Variants in DAAM1 observed in about 807,000 individuals in gnomAD.
DAAM1 encodes the protein dishevelled associated activator of morphogenesis 1.
DAAM1 carries 52 observed loss-of-function variants against 130.0 expected under a neutral mutation model. That is an observed-to-expected ratio of 0.40 (90% CI 0.32 to 0.50). The LOEUF is 0.50. Among genes scored for constraint, DAAM1 ranks in the 20% least tolerant of loss-of-function variants. The pLI is 0.61. For synonymous variants in DAAM1, 452 were observed against 444.5 expected (o/e 1.02, Z -0.21); for missense variants, 1,134 against 1,303.8 (o/e 0.87, Z 2.01).
rs747424195 is a variant in DAAM1, at chr14:59,326,975, G to A, written c.1356G>A (p.Ala452=). 76 of 1,613,768 alleles carry A rather than the reference G, an allele frequency of 4.7e-5. No individual in the cohort carries two copies. The highest frequency in any genetic ancestry group is 5.5e-5 in the Non-Finnish European group (65 of 1,179,916). ...AAGTTAAGCAGTGGAAAGAACAAGC[G>A]GAAAAAATGAGAAAAGGTAAATAAT... ...ENEVKQWKEQ[A]EKMRKEHNEL... The change falls in exon 12 of 25, where the codon GCG becomes GCA. Residue 452 remains alanine, a synonymous_variant. Transcript: ENST00000360909.
Position 59,347,742 on chromosome 14 carries a change from C to T in DAAM1, c.2160+119C>T, listed in dbSNP as rs145775240. 313 of 930,496 alleles carry T rather than the reference C, an allele frequency of 3.4e-4. 1 individual carries two copies. The highest frequency in any genetic ancestry group is 1.1e-3 in the Middle Eastern group (5 of 4,614). 57.6% of individuals were successfully genotyped at this position (930,496 alleles called of 1,614,324 possible). A position where few individuals can be genotyped will look rare whatever the true frequency, so the allele number is the denominator to read the frequency against. On this transcript the variant is annotated intron_variant, in intron 17 of 24. Coordinates refer to ENST00000360909, the MANE Select transcript of DAAM1 (RefSeq NM_001270520.2). Reference sequence around the variant, plus strand: ...TTTCCTCATCTATGAATTGAGGAGGCTGAACCAAGTTCCCATGTGACTCTG... The same window carrying T: ...TTTCCTCATCTATGAATTGAGGAGGTTGAACCAAGTTCCCATGTGACTCTG...
chr14:59,328,423 G>A (rs1156295275), intron 12 of DAAM1, among the ~76,000 whole-genome samples: 4 of 152,216 alleles, frequency 2.6e-5, no homozygotes, highest in African/African-American at 9.6e-5. Flanking sequence ...CTAGAGCATG[G>A]AGACTCAAGT....
chr14:59,352,419 A>C lies in DAAM1; in HGVS notation c.2161-107A>C, dbSNP rs1212174503. 3.8e-6 allele frequency: 3 copies of C among 790,246 alleles called. No homozygotes were observed. In the East Asian group the frequency reaches 8.1e-5, roughly 21 times the overall value. 49.0% of individuals were successfully genotyped at this position (790,246 alleles called of 1,614,324 possible). On this transcript the variant is annotated intron_variant, in intron 17 of 24. Transcript: ENST00000360909. Reference sequence around the variant, plus strand: ...CCTGTGAGCAGAGCTTATACACTCAACAAGAGTTAACATTTTATCTTGGGA... The same window carrying C: ...CCTGTGAGCAGAGCTTATACACTCACCAAGAGTTAACATTTTATCTTGGGA...
intron 20 of DAAM1, among the ~76,000 whole-genome samples, chr14:59,356,070 T>A (rs1343351704): frequency 6.6e-6 from 1 of 152,186 alleles, no homozygotes; most frequent in Non-Finnish European, 1.5e-5. Context: ...CAGGGTAGGG[T>A]CATTAGGCAT....
At chr14:59,192,202 G>A (rs996779095) in intron 1 of DAAM1, among the ~76,000 whole-genome samples, 3 of 148,572 alleles carry the variant, frequency 2.0e-5, no homozygotes, top group Non-Finnish European at 4.5e-5. Flanking sequence ...GTGGTTTTGA[G>A]CTACTTTGTT....
intron 23 of DAAM1, 98 bp downstream of exon 23, chr14:59,363,880 G>A (rs1886811375): frequency 2.0e-6 from 3 of 1,521,314 alleles, no homozygotes; most frequent in African/African-American, 2.8e-5. Flanking sequence ...GCAGGAGTGA[G>A]ATCCAAACTT....
At chr14:59,214,245 G>A (rs61986024) in intron 1 of DAAM1, among the ~76,000 whole-genome samples, 6,775 of 152,286 alleles carry the variant, frequency 0.044, 172 homozygotes, top group Middle Eastern at 0.14. Context: ...AAACCTCTTT[G>A]TCTTTCTTGT....
At chr14:59,194,806 C>T (rs546493259) in intron 1 of DAAM1, among the ~76,000 whole-genome samples, 1 of 152,266 alleles carries the variant, frequency 6.6e-6, no homozygotes, top group Admixed American at 6.5e-5. Flanking sequence ...AATTTCTATT[C>T]TTTTAAACCA....
chr14:59,326,773 A>G, intron 11 of DAAM1, 125 bp downstream of exon 11: 1 of 1,509,746 alleles, frequency 6.6e-7, no homozygotes, highest in South Asian at 1.3e-5. Flanking sequence ...GAGTTACTGT[A>G]CACATGCACT....
intron 3 of DAAM1, among the ~76,000 whole-genome samples, chr14:59,314,545 G>C (rs145394779): frequency 6.6e-6 from 1 of 152,058 alleles, no homozygotes; most frequent in Middle Eastern, 3.4e-3. Context: ...AGAAGCCCTG[G>C]GGGGCTTAGG....
At chr14:59,276,498 G>A (rs955411313) in intron 2 of DAAM1, among the ~76,000 whole-genome samples, 28 of 152,114 alleles carry the variant, frequency 1.8e-4, no homozygotes, top group African/African-American at 6.5e-4. Flanking sequence ...TGAGTTGTGG[G>A]GTGGGAGGAG....
rs548631179 is a variant in DAAM1, at chr14:59,214,365, C to A, written c.-38+25597C>A. 1.2e-4 allele frequency among the ~76,000 whole-genome samples: 19 copies of A among 152,304 alleles called. 1 individual carries two copies. The highest frequency in any genetic ancestry group is 3.4e-3 in the Middle Eastern group (1 of 292). On this transcript the variant is annotated intron_variant, in intron 1 of 24. Coordinates refer to ENST00000360909, the MANE Select transcript of DAAM1 (RefSeq NM_001270520.2). ...GCAGGCCTGGCTGCTACCACAGACC[C>A]CTGACGTGCTTCTTTCTTCCTTGCT...
chr14:59,221,538 T>A (rs2139428060), intron 1 of DAAM1, among the ~76,000 whole-genome samples: 1 of 152,354 alleles, frequency 6.6e-6, no homozygotes, highest in African/African-American at 2.4e-5. Context: ...AGGGTCTGGA[T>A]CATTGGCAGT....
intron 3 of DAAM1, among the ~76,000 whole-genome samples, chr14:59,309,191 AGGAAGAGCCAGAT>A (rs1884483485): frequency 6.6e-6 from 1 of 152,226 alleles, no homozygotes; most frequent in Admixed American, 6.5e-5. Context: ...GCCCCCAAAA[AGGAAGAGCCAGAT>A]GGAAAGAGTT....
chr14:59,249,315 T>G (rs1341427187), intron 1 of DAAM1, among the ~76,000 whole-genome samples: 2 of 152,244 alleles, frequency 1.3e-5, no homozygotes, highest in African/African-American at 4.8e-5. Flanking sequence ...CCCTGTGTAC[T>G]TATGTTCTAG....
At chr14:59,246,900 T>A (rs1221780509) in intron 1 of DAAM1, among the ~76,000 whole-genome samples, 1 of 152,172 alleles carries the variant, frequency 6.6e-6, no homozygotes, top group African/African-American at 2.4e-5. Context: ...TTAATGGAGT[T>A]ATTTGGTTTT....
chr14:59,205,600 G>A (rs528238589), intron 1 of DAAM1, among the ~76,000 whole-genome samples: 129 of 152,294 alleles, frequency 8.5e-4, no homozygotes, highest in Non-Finnish European at 1.4e-3. Flanking sequence ...TTTACAGTGA[G>A]CCTTTGCTAG....
In DAAM1 at chr14:59,330,700, C is replaced by T. The variant is rs199875088; in HGVS notation, c.1560+12C>T. On this transcript the variant is annotated intron_variant, in intron 13 of 24. Coordinates refer to ENST00000360909, the MANE Select transcript of DAAM1 (RefSeq NM_001270520.2). ...ATGAGCTCAGCAGGGTGAGGTCTTC[C>T]GCTCAGCTCACGGGCAGCTGCCAAG... The T allele has an allele frequency of 1.6e-4, 257 of 1,595,944 alleles. No homozygotes were observed. The highest frequency in any genetic ancestry group is 1.0e-3 in the Middle Eastern group (6 of 5,882).
At position 59,324,460 on chromosome 14, in the gene DAAM1, T is replaced by C; in HGVS notation, c.989+6T>C. 1 of 1,548,226 alleles carries C rather than the reference T, an allele frequency of 6.5e-7. No homozygotes were observed. The highest frequency in any genetic ancestry group is 8.8e-7 in the Non-Finnish European group (1 of 1,141,990). ...GAAAATTCAACATTAGATAGGTAAG[T>C]CAGACTATTATGATGTGAGAAAGTT... On this transcript the variant is annotated splice_donor_region_variant and intron_variant, in intron 8 of 24. Coordinates refer to ENST00000360909, the MANE Select transcript of DAAM1 (RefSeq NM_001270520.2).
Sources: gnomAD v4.1 joint callset for allele counts (sites outside exome capture counted in the v4.1 genomes callset) on GRCh38, gnomAD v4.1.1 for gene constraint, MANE v1.5 for transcripts, NCBI Gene and HGNC (gene_info 2026-07-23, HGNC 2026-07-21) for gene names.